Variants in RGS7 observed in about 807,000 individuals in gnomAD.
RGS7 encodes regulator of G protein signaling 7.
In RGS7, 27 loss-of-function variants were observed where a neutral mutation model predicts 81.1. The observed-to-expected ratio is 0.33, with a 90% CI of 0.25 to 0.46. The LOEUF is 0.46. Ranked by LOEUF, RGS7 falls within the 20% of genes least tolerant of loss-of-function variation. The probability of loss-of-function intolerance (pLI) is 1.00; values close to 1 mark genes in which losing one functional copy is unlikely to be tolerated. For missense variants in RGS7, 396 were observed against 607.4 expected (o/e 0.65, Z 3.66); for synonymous variants, 208 against 207.7 (o/e 1.00, Z -0.01).
chr1:240,993,185 G>A (rs1269763438), intron 3 of RGS7, among the ~76,000 whole-genome samples: 4 of 147,402 alleles, frequency 2.7e-5, no homozygotes, highest in South Asian at 2.1e-4. Context: ...AAGAAGGAAA[G>A]AAAGAAAGAG....
At chr1:241,195,424 C>T (rs555765522) in intron 2 of RGS7, among the ~76,000 whole-genome samples, 17 of 151,976 alleles carry the variant, frequency 1.1e-4, no homozygotes, top group African/African-American at 3.4e-4. Context: ...TGCAGTGAGC[C>T]GAGATCGCGC....
intron 3 of RGS7, 72 bp from the exon 4 acceptor site, chr1:240,983,201 T>C: frequency 1.2e-6 from 1 of 818,986 alleles, no homozygotes; most frequent in Middle Eastern, 2.4e-4. Context: ...TTAAGAATTC[T>C]CCACCTTTGG....
chr1:241,177,614 G>A (rs1249239712), intron 2 of RGS7, among the ~76,000 whole-genome samples: 1 of 152,198 alleles, frequency 6.6e-6, no homozygotes, highest in African/African-American at 2.4e-5. Flanking sequence ...AGCAAATGTG[G>A]AGACAGAGAG....
intron 4 of RGS7, among the ~76,000 whole-genome samples, chr1:240,980,975 T>A (rs1572103953): frequency 6.6e-6 from 1 of 152,320 alleles, no homozygotes; most frequent in African/African-American, 2.4e-5. Context: ...CAGTTTTCCA[T>A]GCACATTATA....
At chr1:241,025,572 T>G (rs889184190) in intron 3 of RGS7, among the ~76,000 whole-genome samples, 1 of 152,190 alleles carries the variant, frequency 6.6e-6, no homozygotes, top group African/African-American at 2.4e-5. Flanking sequence ...AGGGAGCTTT[T>G]CATATTCCAC....
At chr1:241,267,037 T>A (rs896411472) in intron 2 of RGS7, among the ~76,000 whole-genome samples, 15 of 152,170 alleles carry the variant, frequency 9.9e-5, no homozygotes, top group African/African-American at 3.6e-4. Flanking sequence ...CCGGAAATCA[T>A]TCAGATTCAT....
intron 3 of RGS7, among the ~76,000 whole-genome samples, chr1:241,096,009 C>T (rs544641275): frequency 1.3e-5 from 2 of 152,156 alleles, no homozygotes; most frequent in Non-Finnish European, 2.9e-5. Flanking sequence ...ACAACATTTG[C>T]GATCCTTCCT....
chr1:241,173,343 G>A (rs1236984353), intron 2 of RGS7, among the ~76,000 whole-genome samples: 1 of 152,218 alleles, frequency 6.6e-6, no homozygotes, highest in African/African-American at 2.4e-5. Flanking sequence ...AGGTCATGGA[G>A]TTGTTATAAA....
Position 240,806,126 on chromosome 1 carries a change from C to T in RGS7, c.1269+14G>A, listed in dbSNP as rs756223275. ...GGAAGCACGTTTGTGGTGTGAGGCT[C>T]ACCGTACACCCACCTGAGCATCTTC... On this transcript the variant is annotated intron_variant, in intron 15 of 18. Transcript: ENST00000440928. The T allele has an allele frequency of 1.9e-6, 3 of 1,611,910 alleles. No individual in the cohort carries two copies. The highest frequency in any genetic ancestry group is 1.1e-5 in the South Asian group (1 of 91,020).
chr1:241,289,138 C>T (rs752652697), intron 2 of RGS7, among the ~76,000 whole-genome samples: 17 of 152,202 alleles, frequency 1.1e-4, no homozygotes, highest in African/African-American at 2.9e-4. Flanking sequence ...GCCCCCATAC[C>T]TGGGACAATG....
At chr1:241,073,404 C>A (rs1401113700) in intron 3 of RGS7, among the ~76,000 whole-genome samples, 1 of 152,120 alleles carries the variant, frequency 6.6e-6, no homozygotes, top group African/African-American at 2.4e-5. Flanking sequence ...AACCTGACTA[C>A]AGAAGGTGCT....
chr1:241,285,359 C>T (rs760453802), intron 2 of RGS7, among the ~76,000 whole-genome samples: 1 of 152,144 alleles, frequency 6.6e-6, no homozygotes, highest in African/African-American at 2.4e-5. Context: ...TGTCCTGAGT[C>T]CCCAGCTAAT....
intron 3 of RGS7, among the ~76,000 whole-genome samples, chr1:241,094,460 G>C (rs1012607269): frequency 6.6e-6 from 1 of 152,114 alleles, no homozygotes; most frequent in African/African-American, 2.4e-5. Context: ...GGCACTTCTG[G>C]AGAAGAAGGT....
chr1:241,281,393 C>T (rs569866773), intron 2 of RGS7, among the ~76,000 whole-genome samples: 3 of 152,338 alleles, frequency 2.0e-5, no homozygotes, highest in East Asian at 3.9e-4. Context: ...CCCCACACAG[C>T]CAGTTCGTCT....
intron 6 of RGS7, among the ~76,000 whole-genome samples, chr1:240,900,633 C>T (rs899482378): frequency 1.3e-5 from 2 of 152,174 alleles, no homozygotes; most frequent in African/African-American, 2.4e-5. Context: ...GCAAATGTTG[C>T]TGTCTGATCC....
At chr1:241,019,004 C>T (rs1215544926) in intron 3 of RGS7, among the ~76,000 whole-genome samples, 2 of 152,088 alleles carry the variant, frequency 1.3e-5, no homozygotes, top group African/African-American at 4.8e-5. Context: ...CTTTCCTTTC[C>T]CCTGCGAAGG....
intron 6 of RGS7, among the ~76,000 whole-genome samples, chr1:240,895,214 C>T (rs1300647031): frequency 2.0e-5 from 3 of 152,176 alleles, no homozygotes; most frequent in Admixed American, 2.0e-4. Flanking sequence ...CACGATGCTT[C>T]CTGAACAGCC....
chr1:241,036,531 C>CT (rs1476151601), intron 3 of RGS7, among the ~76,000 whole-genome samples: 5 of 152,202 alleles, frequency 3.3e-5, no homozygotes, highest in Non-Finnish European at 7.3e-5. Flanking sequence ...CAAGATCTGT[C>CT]TAAGTCCCAT....
intron 2 of RGS7, among the ~76,000 whole-genome samples, chr1:241,173,703 C>T (rs1456031530): frequency 6.6e-6 from 1 of 152,126 alleles, no homozygotes; most frequent in Admixed American, 6.5e-5. Flanking sequence ...ATCACTTGAG[C>T]CTAGGAATTT....
Sources: allele counts gnomAD v4.1 joint callset (sites outside exome capture counted in the v4.1 genomes callset), GRCh38; gene constraint gnomAD v4.1.1; transcripts MANE v1.5; gene names NCBI Gene and HGNC (gene_info 2026-07-23, HGNC 2026-07-21).